Variants in ZNF7 observed in about 807,000 individuals in gnomAD.
The protein encoded by ZNF7 is C2-H2 type zinc finger protein.
ZNF7 carries 10 observed loss-of-function variants against 12.0 expected under a neutral mutation model. The ratio of observed to expected loss-of-function variants is 0.83; its 90% CI spans 0.51 to 1.42. The LOEUF (loss-of-function observed/expected upper bound fraction) is 1.42, where lower values mean the gene tolerates loss of function less well. ZNF7 is among the 40% of genes most tolerant of loss of function. The probability of loss-of-function intolerance (pLI) is 0.00; values close to 1 mark genes in which losing one functional copy is unlikely to be tolerated. For synonymous variants in ZNF7, 334 were observed against 295.0 expected, an observed-to-expected ratio of 1.13 and a Z score of -1.35; for missense variants, 854 against 837.2, an observed-to-expected ratio of 1.02 and a Z score of -0.25.
downstream of ZNF7, among the ~76,000 whole-genome samples, chr8:144,845,554 A>G (rs943238058): frequency 1.3e-5 from 2 of 152,188 alleles, no homozygotes; most frequent in East Asian, 1.9e-4. Flanking sequence ...TCTGCTGCTC[A>G]ACCCTAATCT....
Position 144,842,340 on chromosome 8 carries a change from A to G in ZNF7, c.1233A>G (p.Lys411=), listed in dbSNP as rs748050885. 3.7e-6 allele frequency: 6 copies of G among 1,613,702 alleles called. No homozygotes were observed. The highest frequency in any genetic ancestry group is 1.3e-5 in the African/African-American group (1 of 74,898). The change falls in exon 5 of 5, where the codon AAA becomes AAG. Residue 411 remains lysine, a synonymous_variant. Coordinates refer to ENST00000532777, the MANE Select transcript of ZNF7 (RefSeq NM_003416.4). The part of the protein sequence containing the change: ...VAHQRIHAVE[K]PFKCDECGKA... The stretch of plus-strand genomic sequence containing the variant: ...ATCAGAGAATTCACGCTGTAGAGAA[A>G]CCATTTAAGTGTGATGAGTGTGGGA...
At chr8:144,828,754 G>C (rs1586784109) in intron 1 of ZNF7, 2 of 423,150 alleles carry the variant, frequency 4.7e-6, no homozygotes, top group East Asian at 7.9e-5. Context: ...CAGGGTCCTC[G>C]TGTCCACTAC....
downstream of ZNF7, chr8:144,846,269 C>T: frequency 7.9e-7 from 1 of 1,272,308 alleles, no homozygotes; most frequent in Non-Finnish European, 1.1e-6. Context: ...CTTCATTCTG[C>T]TTCAGCACCT....
At chr8:144,832,852 CCT>C (rs1329403344) in intron 3 of ZNF7, among the ~76,000 whole-genome samples, 5 of 152,044 alleles carry the variant, frequency 3.3e-5, no homozygotes, top group Non-Finnish European at 5.9e-5. Flanking sequence ...CGTAAAAATC[CCT>C]GTTTTATTTT....
chr8:144,846,148 G>A (rs1381756793), downstream of ZNF7: 41 of 1,536,214 alleles, frequency 2.7e-5, no homozygotes, highest in Non-Finnish European at 3.6e-5. Context: ...AGGACAGAAG[G>A]AGGGGAACGT....
Position 144,843,456 on chromosome 8 carries a change from C to CGG in ZNF7, c.*288_*289insGG, listed in dbSNP as rs1586847263. Reference sequence around the variant, plus strand: ...ACAAAAATTTAGCTGGGCGTGGTGGCAGGCACCTGTGGTCCCAGCTGCTCG... The same window carrying CGG: ...ACAAAAATTTAGCTGGGCGTGGTGGCGGAGGCACCTGTGGTCCCAGCTGCTCG... On this transcript the variant is annotated 3_prime_UTR_variant, in exon 5 of 5. Transcript: ENST00000532777. 1 of 247,222 alleles carries CGG rather than the reference C, an allele frequency of 4.0e-6. No homozygotes were observed. Among genetic ancestry groups the CGG allele is most frequent in the Non-Finnish European group, 7.7e-6 (1 of 130,090 alleles). The allele number at this position is 247,222 out of a possible 1,614,324, so 15.3% of individuals were successfully genotyped here.
chr8:144,829,130 T>A, intron 2 of ZNF7, 40 bp downstream of exon 2: 1 of 1,613,086 alleles, frequency 6.2e-7, no homozygotes, highest in African/African-American at 1.3e-5. Flanking sequence ...GCATGTCCTG[T>A]GAAGGCCCAC....
At chr8:144,844,730 A>G (rs1303936600), downstream of ZNF7, among the ~76,000 whole-genome samples, 1 of 122,848 alleles carries the variant, frequency 8.1e-6, no homozygotes, top group East Asian at 2.3e-4. Flanking sequence ...AAAAAAAAAA[A>G]AAAAAACGAA....
intron 1 of ZNF7, 28 bp downstream of exon 1, chr8:144,827,637 G>C: frequency 1.0e-6 from 1 of 985,526 alleles, no homozygotes; most frequent in African/African-American, 1.7e-5. Flanking sequence ...GCGCGGACTC[G>C]GGTTGCCCTC....
At chr8:144,828,914 A>C in intron 1 of ZNF7, 129 bp from the exon 2 acceptor site, 2 of 1,243,846 alleles carry the variant, frequency 1.6e-6, no homozygotes, top group Non-Finnish European at 2.2e-6. Context: ...GCTTCAGCCC[A>C]GCCCCATGTC....
chr8:144,831,579 CG>C, intron 3 of ZNF7, among the ~76,000 whole-genome samples: 1 of 151,912 alleles, frequency 6.6e-6, no homozygotes, highest in East Asian at 1.9e-4. Context: ...GTCAGGAGAT[CG>C]AGACCATCCT....
At position 144,829,620 on chromosome 8, in the gene ZNF7, G is replaced by C. The variant is rs774982281; in HGVS notation, c.130+16G>C. 3 of 1,594,750 alleles carry C rather than the reference G, an allele frequency of 1.9e-6. No homozygotes were observed. In the South Asian group the frequency reaches 3.3e-5, roughly 18 times the overall value. ...GCTGGACTAGGTGAGGCTGCACCTT[G>C]GGGCCCCTTCCCCTGCATCATCAGT... On this transcript the variant is annotated intron_variant, in intron 3 of 4. Transcript: ENST00000532777.
intron 3 of ZNF7, 35 bp downstream of exon 3, chr8:144,829,639 C>T: frequency 6.3e-7 from 1 of 1,580,412 alleles, no homozygotes; most frequent in Non-Finnish European, 8.6e-7. Context: ...TCCCCTGCAT[C>T]ATCAGTCAGC....
At chr8:144,844,005 G>A (rs148654760), downstream of ZNF7, among the ~76,000 whole-genome samples, 99 of 152,240 alleles carry the variant, frequency 6.5e-4, 2 homozygotes, top group East Asian at 0.015. Flanking sequence ...GCAGGTACAC[G>A]CCATCATTAC....
rs115432671 is a variant in ZNF7, at chr8:144,839,268, G to A, written c.247+1761G>A. ...CTAGGCAGCTTCAAAGGACAAGGAG[G>A]GTTTCTGAGCCTCTTCACGCCCTGT... On this transcript the variant is annotated intron_variant, in intron 4 of 4. Coordinates refer to ENST00000532777, the MANE Select transcript of ZNF7 (RefSeq NM_003416.4). Among the ~76,000 whole-genome samples, 531 of 152,356 alleles carry A rather than the reference G, an allele frequency of 3.5e-3. 4 individuals carry two copies. Among genetic ancestry groups the A allele is most frequent in the African/African-American group, 0.012 (483 of 41,578 alleles).
chr8:144,835,557 G>A (rs1269549391), intron 3 of ZNF7: 1 of 151,902 alleles, frequency 6.6e-6, no homozygotes, highest in African/African-American at 2.4e-5. Context: ...TCTGTTTTTT[G>A]GCAGCATCTT....
Position 144,841,813 on chromosome 8 carries a change from T to G in ZNF7, c.706T>G (p.Leu236Val), listed in dbSNP as rs777784934. The G allele has an allele frequency of 6.8e-6, 11 of 1,614,206 alleles. No individual in the cohort carries two copies. Among genetic ancestry groups the G allele is most frequent in the Non-Finnish European group, 9.3e-6 (11 of 1,180,040 alleles). Residue 236 changes from leucine to valine, a missense_variant, in exon 5 of 5, where the codon TTG becomes GTG. Transcript: ENST00000532777. ...QECQKKLSDC[L>V]QGKHTNNCHG... The stretch of plus-strand genomic sequence containing the variant: ...ATGCCAAAAAAAGTTATCTGACTGC[T>G]TGCAGGGGAAACATACAAATAACTG...
Position 144,841,420 on chromosome 8 carries a change from T to C in ZNF7, c.313T>C (p.Tyr105His). Residue 105 changes from tyrosine to histidine, a missense_variant, in exon 5 of 5, where the codon TAT (tyrosine) becomes CAT (histidine). Tyr to His is a moderately conservative substitution (Grantham distance 83). Transcript: ENST00000532777. ...EDMDILKSES[Y>H]GTVVRISPQD... ...CATGGACATCCTAAAATCAGAATCC[T>C]ATGGGACAGTGGTCAGAATCTCCCC... The C allele has an allele frequency of 6.2e-7, 1 of 1,614,182 alleles. No individual in the cohort carries two copies. The highest frequency in any genetic ancestry group is 8.5e-7 in the Non-Finnish European group (1 of 1,179,998).
Position 144,829,071 on chromosome 8 carries a change from A to T in ZNF7, c.-17A>T, listed in dbSNP as rs1563823036. 1.2e-6 allele frequency: 2 copies of T among 1,614,026 alleles called. No homozygotes were observed. The highest frequency in any genetic ancestry group is 1.7e-6 in the Non-Finnish European group (2 of 1,179,994). ...TCTCGGCCAGAACACGTGGATGCCC[A>T]CCCACCACTGAGCCTCATGGTAGGA... On this transcript the variant is annotated 5_prime_UTR_variant, in exon 2 of 5. Transcript: ENST00000532777.
Sources: allele counts gnomAD v4.1 joint callset (sites outside exome capture counted in the v4.1 genomes callset), GRCh38; gene constraint gnomAD v4.1.1; transcripts MANE v1.5; gene names NCBI Gene and HGNC (gene_info 2026-07-23, HGNC 2026-07-21).